SH3RF3: variants seen among roughly 807,000 people sequenced by gnomAD.
SH3RF3 encodes the protein SH3 domain containing ring finger 3, also known as E3 ubiquitin-protein ligase SH3RF3.
In SH3RF3, 29 loss-of-function variants were observed where a neutral mutation model predicts 66.3. That is an observed-to-expected ratio of 0.44 (90% CI 0.33 to 0.60). The LOEUF (loss-of-function observed/expected upper bound fraction) is 0.60. Ranked by LOEUF, SH3RF3 falls within the 20% of genes least tolerant of loss-of-function variation. SH3RF3 has a pLI of 0.04. For missense variants in SH3RF3, 1,194 were observed against 1,190.9 expected (o/e 1.00, Z -0.04); for synonymous variants, 583 against 532.0 (o/e 1.10, Z -1.32).
At chr2:109,257,780 A>T (rs963642986) in intron 1 of SH3RF3, among the ~76,000 whole-genome samples, 1 of 152,126 alleles carries the variant, frequency 6.6e-6, no homozygotes. Context: ...AGGGCTGAAA[A>T]TGTATGTTTT....
intron 1 of SH3RF3, among the ~76,000 whole-genome samples, chr2:109,151,920 AT>A (rs2104873566): frequency 6.6e-6 from 1 of 152,368 alleles, no homozygotes; most frequent in South Asian, 2.1e-4. Flanking sequence ...TTTGAAGTTA[AT>A]ATAATAACAG....
At chr2:109,163,554 A>G (rs1230281066) in intron 1 of SH3RF3, among the ~76,000 whole-genome samples, 1 of 150,032 alleles carries the variant, frequency 6.7e-6, no homozygotes, top group East Asian at 2.0e-4. Context: ...GCCCGCCACT[A>G]CGCCCGGCTA....
intron 8 of SH3RF3, among the ~76,000 whole-genome samples, chr2:109,455,732 A>G (rs955215965): frequency 6.6e-6 from 1 of 152,178 alleles, no homozygotes; most frequent in Admixed American, 6.5e-5. Flanking sequence ...TTACTCGTCC[A>G]TCCCAGTTCT....
chr2:109,357,924 G>A (rs28627874), intron 2 of SH3RF3, among the ~76,000 whole-genome samples: 4,399 of 152,162 alleles, frequency 0.029, 159 homozygotes, highest in African/African-American at 0.089. Context: ...TTGACAAATC[G>A]TTATTACTCT....
At chr2:109,271,564 T>G (rs545259128) in intron 1 of SH3RF3, among the ~76,000 whole-genome samples, 1 of 152,306 alleles carries the variant, frequency 6.6e-6, no homozygotes, top group Admixed American at 6.5e-5. Context: ...ATAGTCAAGT[T>G]GTAACTATGG....
At chr2:109,199,787 T>A (rs1574500316) in intron 1 of SH3RF3, among the ~76,000 whole-genome samples, 3 of 10,888 alleles carry the variant, frequency 2.8e-4, no homozygotes, top group Non-Finnish European at 6.7e-4. Flanking sequence ...TGGAATGGAA[T>A]GGAATGGAAT....
intron 1 of SH3RF3, among the ~76,000 whole-genome samples, chr2:109,180,951 A>G (rs1053294617): frequency 6.6e-6 from 1 of 152,190 alleles, no homozygotes; most frequent in Non-Finnish European, 1.5e-5. Flanking sequence ...TTCTCCATGC[A>G]ATATGTTTAC....
At chr2:109,370,782 C>T (rs541255219) in intron 2 of SH3RF3, among the ~76,000 whole-genome samples, 1 of 152,298 alleles carries the variant, frequency 6.6e-6, no homozygotes, top group South Asian at 2.1e-4. Flanking sequence ...CTGCCTCTTC[C>T]TTTCTCCTTC....
intron 1 of SH3RF3, among the ~76,000 whole-genome samples, chr2:109,196,289 G>C (rs1678498247): frequency 6.6e-6 from 1 of 152,202 alleles, no homozygotes; most frequent in African/African-American, 2.4e-5. Context: ...GCTGCTCCAG[G>C]CCAGCAGCCC....
intron 1 of SH3RF3, among the ~76,000 whole-genome samples, chr2:109,244,784 G>A (rs1490645744): frequency 1.3e-5 from 2 of 152,196 alleles, no homozygotes; most frequent in African/African-American, 4.8e-5. Context: ...GTGGCCCAGG[G>A]CAGGTGCCCC....
Position 109,190,083 on chromosome 2 carries a change from T to C in SH3RF3, c.573+59970T>C, listed in dbSNP as rs1418450521. ...TTGTAATTGTCGTTGCTTTAAACTT[T>C]TCCCGTGATCATATGGGATGATTCT... is the stretch of plus-strand genomic sequence containing the variant. On this transcript the variant is annotated intron_variant, in intron 1 of 9. Coordinates refer to ENST00000309415, the MANE Select transcript of SH3RF3 (RefSeq NM_001099289.3). Among the ~76,000 whole-genome samples, 6 of 152,376 alleles carry C rather than the reference T, an allele frequency of 3.9e-5. No individual in the cohort carries two copies. In the East Asian group the frequency reaches 1.2e-3, roughly 29 times the overall value.
intron 4 of SH3RF3, among the ~76,000 whole-genome samples, chr2:109,399,392 C>G (rs1339755706): frequency 6.6e-6 from 1 of 152,076 alleles, no homozygotes; most frequent in East Asian, 1.9e-4. Context: ...TTGTTGAGTA[C>G]TTTCGTTACT....
chr2:109,480,326 C>T (rs1573287193), intron 8 of SH3RF3, among the ~76,000 whole-genome samples: 1 of 152,172 alleles, frequency 6.6e-6, no homozygotes, highest in African/African-American at 2.4e-5. Context: ...CAGGTGCTGT[C>T]GCTATCCCCA....
intron 4 of SH3RF3, among the ~76,000 whole-genome samples, chr2:109,418,511 A>G (rs967656886): frequency 6.6e-6 from 1 of 152,060 alleles, no homozygotes; most frequent in African/African-American, 2.4e-5. Context: ...TTGTGGATGC[A>G]TCACTCCTGT....
chr2:109,402,775 G>A (rs1676349913), intron 4 of SH3RF3, among the ~76,000 whole-genome samples: 1 of 152,246 alleles, frequency 6.6e-6, no homozygotes, highest in Admixed American at 6.5e-5. Context: ...GGGGGGCAGA[G>A]GATTACAGAT....
intron 1 of SH3RF3, among the ~76,000 whole-genome samples, chr2:109,167,675 G>A (rs994332126): frequency 2.0e-5 from 3 of 152,134 alleles, no homozygotes; most frequent in African/African-American, 7.2e-5. Flanking sequence ...GGGTTCAAGC[G>A]ATTCTCCTAC....
chr2:109,244,910 A>G (rs780416258), intron 1 of SH3RF3, among the ~76,000 whole-genome samples: 10 of 152,220 alleles, frequency 6.6e-5, no homozygotes, highest in Non-Finnish European at 1.2e-4. Context: ...GTTAGAAGCA[A>G]GACAAAGTTG....
chr2:109,501,950 C>CG lies in SH3RF3; in HGVS notation c.*281dup, dbSNP rs1241832871. 1 of 391,546 alleles carries CG rather than the reference C, an allele frequency of 2.6e-6. No homozygotes were observed. The highest frequency in any genetic ancestry group is 4.7e-6 in the Non-Finnish European group (1 of 212,976). The allele number at this position is 391,546 out of a possible 1,614,324, so 24.3% of individuals were successfully genotyped here. A position where few individuals can be genotyped will look rare whatever the true frequency, so the allele number is the denominator to read the frequency against. The stretch of plus-strand genomic sequence containing the variant: ...CACCTTGAGGAAGAGAGGCAGGTGC[C>CG]GGCGCAGGCAGGCCTGTGGCTGTGG... On this transcript the variant is annotated 3_prime_UTR_variant, in exon 10 of 10. Coordinates refer to ENST00000309415, the MANE Select transcript of SH3RF3 (RefSeq NM_001099289.3).
intron 1 of SH3RF3, among the ~76,000 whole-genome samples, chr2:109,325,851 T>C (rs988447192): frequency 6.6e-6 from 1 of 152,236 alleles, no homozygotes; most frequent in Non-Finnish European, 1.5e-5. Flanking sequence ...CCTCCCTTTG[T>C]TCCAAATCAC....
Sources: allele counts gnomAD v4.1 joint callset (sites outside exome capture counted in the v4.1 genomes callset), GRCh38; gene constraint gnomAD v4.1.1; transcripts MANE v1.5; gene names NCBI Gene and HGNC (gene_info 2026-07-23, HGNC 2026-07-21).